Variants in MYBPC1 observed in about 807,000 individuals in gnomAD.
MYBPC1 encodes myosin binding protein C1.
In MYBPC1, 52 loss-of-function variants were observed where a neutral mutation model predicts 147.1. That is an observed-to-expected ratio of 0.35 (90% CI 0.28 to 0.45). The LOEUF is 0.45. Among genes scored for constraint, MYBPC1 ranks in the 20% least tolerant of loss-of-function variants. The pLI is 1.00. For synonymous variants in MYBPC1, 477 were observed against 475.9 expected (o/e 1.00, Z -0.03); for missense variants, 1,228 against 1,440.3 (o/e 0.85, Z 2.39).
At chr12:101,625,815 G>T (rs1888449932) in intron 3 of MYBPC1, among the ~76,000 whole-genome samples, 2 of 152,100 alleles carry the variant, frequency 1.3e-5, no homozygotes, top group East Asian at 1.9e-4. Context: ...GCCAGGCGCG[G>T]TGGCTCACGC....
intron 3 of MYBPC1, among the ~76,000 whole-genome samples, chr12:101,624,035 G>A (rs1488605603): frequency 6.6e-6 from 1 of 152,036 alleles, no homozygotes; most frequent in African/African-American, 2.4e-5. Flanking sequence ...CCCACTTCCA[G>A]TACACATTAT....
intron 25 of MYBPC1, among the ~76,000 whole-genome samples, chr12:101,674,750 C>A (rs576396720): frequency 1.0e-4 from 15 of 149,690 alleles, no homozygotes; most frequent in African/African-American, 3.4e-4. Context: ...GTGGTCCCAG[C>A]TACTTGGGAG....
At chr12:101,627,657 C>A in intron 4 of MYBPC1, 112 bp from the exon 5 acceptor site, 1 of 1,223,282 alleles carries the variant, frequency 8.2e-7, no homozygotes, top group Non-Finnish European at 1.2e-6. Context: ...TTTTTTCCTT[C>A]CTATCACCAG....
rs1896721916 is a variant in MYBPC1 at position 101,662,391 on chromosome 12, C to G, written c.2066C>G (p.Ser689Cys). 6.2e-7 allele frequency: 1 copy of G among 1,614,170 alleles called. No homozygotes were observed. The highest frequency in any genetic ancestry group is 8.5e-7 in the Non-Finnish European group (1 of 1,180,034). The change falls in exon 21 of 32, where the codon TCC (serine) becomes TGC (cysteine). Residue 689 changes from serine to cysteine, a missense_variant. Ser to Cys is a moderately radical substitution (Grantham distance 112). Transcript: ENST00000361466. Reference protein sequence around the residue: ...YFIERKKKQSSRWMRLNFDLC... With the variant: ...YFIERKKKQSCRWMRLNFDLC... Reference sequence around the variant, plus strand: ...ATTGAGAGGAAGAAGAAACAAAGCTCCAGGTGGATGAGGCTGAATTTTGAT... The same window carrying G: ...ATTGAGAGGAAGAAGAAACAAAGCTGCAGGTGGATGAGGCTGAATTTTGAT...
Position 101,685,614 on chromosome 12 carries a change from G to A in MYBPC1, c.*52G>A. 1.3e-6 allele frequency: 2 copies of A among 1,534,706 alleles called. No homozygotes were observed. The highest frequency in any genetic ancestry group is 1.2e-5 in the South Asian group (1 of 83,994). On this transcript the variant is annotated 3_prime_UTR_variant, in exon 32 of 32. Transcript: ENST00000361466. Reference sequence around the variant, plus strand: ...CTCCTTCTGCAGACTCCTCTTGCAAGGCGTACCTCCAAACATAATTGATTC... The same window carrying A: ...CTCCTTCTGCAGACTCCTCTTGCAAAGCGTACCTCCAAACATAATTGATTC...
At chr12:101,624,358 C>T (rs181475513) in intron 3 of MYBPC1, among the ~76,000 whole-genome samples, 73 of 152,234 alleles carry the variant, frequency 4.8e-4, no homozygotes, top group African/African-American at 1.7e-3. Flanking sequence ...TAAAAACATA[C>T]TATTTTATGT....
chr12:101,611,479 A>G (rs1426839120), intron 1 of MYBPC1, among the ~76,000 whole-genome samples: 1 of 152,226 alleles, frequency 6.6e-6, no homozygotes, highest in Non-Finnish European at 1.5e-5. Context: ...GTTACCCTTA[A>G]AAAATGGGAA....
chr12:101,650,839 G>A (rs1894290077), intron 15 of MYBPC1: 2 of 278,340 alleles, frequency 7.2e-6, no homozygotes, highest in South Asian at 8.1e-5. Flanking sequence ...GAAGTGTTGT[G>A]GCTTGTGAAC....
intron 1 of MYBPC1, among the ~76,000 whole-genome samples, chr12:101,603,532 C>A (rs368786728): frequency 1.3e-5 from 2 of 152,100 alleles, no homozygotes; most frequent in African/African-American, 4.8e-5. Context: ...TATGACCCCA[C>A]CTGGCGTCAG....
chr12:101,666,293 A>G (rs1221258882), intron 22 of MYBPC1: 1 of 200,796 alleles, frequency 5.0e-6, no homozygotes, highest in Non-Finnish European at 1.0e-5. Flanking sequence ...CTGTGGGAGC[A>G]CCGTGTTCCC....
At chr12:101,690,832 C>T (rs1351316255), downstream of MYBPC1, among the ~76,000 whole-genome samples, 2 of 152,158 alleles carry the variant, frequency 1.3e-5, no homozygotes, top group African/African-American at 4.8e-5. Flanking sequence ...ACACTGACTA[C>T]CTACCCATGT....
chr12:101,693,322 T>C, the MYBPC1 span, among the ~76,000 whole-genome samples: 2 of 152,196 alleles, frequency 1.3e-5, no homozygotes, highest in South Asian at 2.1e-4. Flanking sequence ...TATGTAGATA[T>C]ATAGTTACAT....
chr12:101,609,619 G>A (rs990418147), intron 1 of MYBPC1, among the ~76,000 whole-genome samples: 1 of 152,120 alleles, frequency 6.6e-6, no homozygotes, highest in African/African-American at 2.4e-5. Flanking sequence ...TCTGCAGTTT[G>A]ATCAGATCCC....
At chr12:101,651,189 G>A (rs757101087) in intron 15 of MYBPC1, 42 bp from the exon 16 acceptor site, 1 of 1,612,502 alleles carries the variant, frequency 6.2e-7, no homozygotes, top group South Asian at 1.1e-5. Flanking sequence ...GGCCTGTTGG[G>A]AGTTTGGGCT....
At chr12:101,628,008 C>A in intron 5 of MYBPC1, 1 of 575,954 alleles carries the variant, frequency 1.7e-6, no homozygotes, top group Non-Finnish European at 3.1e-6. Context: ...ATTCAAGGAT[C>A]TAGCCAAAAA....
chr12:101,642,622 C>T (rs1450851489), intron 11 of MYBPC1, 37 bp downstream of exon 11: 1 of 1,585,020 alleles, frequency 6.3e-7, no homozygotes, highest in Admixed American at 1.8e-5. Context: ...GGCCGAGGGG[C>T]GTGGCAGCGT....
intron 1 of MYBPC1, among the ~76,000 whole-genome samples, chr12:101,604,280 A>G (rs186990828): frequency 6.6e-6 from 1 of 152,354 alleles, no homozygotes; most frequent in African/African-American, 2.4e-5. Context: ...TAGAAGGACA[A>G]AAGAATGAAT....
chr12:101,603,582 AG>A (rs1380781146), intron 1 of MYBPC1, among the ~76,000 whole-genome samples: 2 of 152,178 alleles, frequency 1.3e-5, no homozygotes, highest in African/African-American at 4.8e-5. Context: ...ACCCAATGTG[AG>A]GTCCAGCAAC....
chr12:101,653,366 G>A, intron 18 of MYBPC1, 118 bp downstream of exon 18: 1 of 1,321,976 alleles, frequency 7.6e-7, no homozygotes, highest in Non-Finnish European at 1.1e-6. Context: ...ATGTACAGCA[G>A]TACAGTAAAG....
Sources: gnomAD v4.1 joint callset for allele counts (sites outside exome capture counted in the v4.1 genomes callset) on GRCh38, gnomAD v4.1.1 for gene constraint, MANE v1.5 for transcripts, NCBI Gene and HGNC (gene_info 2026-07-23, HGNC 2026-07-21) for gene names.